TRPM8: variants seen among roughly 807,000 people sequenced by gnomAD.
TRPM8 encodes the protein transient receptor potential cation channel subfamily M member 8.
TRPM8 carries 110 observed loss-of-function variants against 133.7 expected under a neutral mutation model. The observed-to-expected ratio is 0.82, with a 90% CI of 0.70 to 0.96. The LOEUF (loss-of-function observed/expected upper bound fraction) is 0.96, where lower values mean the gene tolerates loss of function less well. Ranked by LOEUF, TRPM8 falls within the 40% of genes least tolerant of loss-of-function variation. TRPM8 has a pLI of 0.00. For missense variants in TRPM8, 1,291 were observed against 1,379.5 expected (o/e 0.94, Z 1.02); for synonymous variants, 535 against 532.3 (o/e 1.01, Z -0.07).
intron 20 of TRPM8, 36 bp downstream of exon 20, chr2:233,983,260 AGG>A (rs766900781): frequency 6.2e-7 from 1 of 1,613,350 alleles, no homozygotes; most frequent in Non-Finnish European, 8.5e-7. Flanking sequence ...AACAGCTTGG[AGG>A]AGGCATTTGC....
At chr2:233,976,598 G>T (rs1691879583) in intron 17 of TRPM8, among the ~76,000 whole-genome samples, 3 of 152,104 alleles carry the variant, frequency 2.0e-5, no homozygotes, top group South Asian at 2.1e-4. Context: ...TTCATTGTGG[G>T]TGATGCTGGC....
At chr2:234,005,348 C>G (rs567319053) in intron 22 of TRPM8, among the ~76,000 whole-genome samples, 1 of 152,170 alleles carries the variant, frequency 6.6e-6, no homozygotes, top group Non-Finnish European at 1.5e-5. Context: ...ATCAGCATTT[C>G]TTTGACTGTT....
At chr2:233,959,942 T>A (rs1173130359) in intron 11 of TRPM8, among the ~76,000 whole-genome samples, 1 of 144,422 alleles carries the variant, frequency 6.9e-6, no homozygotes. Context: ...CCACCACACC[T>A]AATTTTTTTT....
At chr2:233,971,185 T>A (rs966662035) in intron 17 of TRPM8, among the ~76,000 whole-genome samples, 6 of 152,208 alleles carry the variant, frequency 3.9e-5, no homozygotes, top group African/African-American at 1.4e-4. Context: ...ATTCAGCAAG[T>A]GTGTGCTAGG....
At chr2:233,927,858 T>TTCTC (rs374196113) in intron 2 of TRPM8, among the ~76,000 whole-genome samples, 6 of 44,158 alleles carry the variant, frequency 1.4e-4, no homozygotes, top group Non-Finnish European at 2.3e-4. Flanking sequence ...CTTCCTTTCT[T>TTCTC]TCTCTTTCTT....
chr2:233,921,033 A>AT (rs1158074023), intron 1 of TRPM8, among the ~76,000 whole-genome samples: 4 of 151,362 alleles, frequency 2.6e-5, no homozygotes, highest in Non-Finnish European at 5.9e-5. Context: ...ATTTTTTGGT[A>AT]TTTTTTTAAT....
chr2:233,982,030 C>A, intron 19 of TRPM8, 115 bp downstream of exon 19: 1 of 1,173,608 alleles, frequency 8.5e-7, no homozygotes. Flanking sequence ...CCATCAGTAA[C>A]ATTCGCTTTC....
intron 22 of TRPM8, among the ~76,000 whole-genome samples, chr2:234,000,608 A>T (rs1692533624): frequency 1.3e-5 from 2 of 152,224 alleles, no homozygotes; most frequent in Admixed American, 1.3e-4. Flanking sequence ...ACAAGAGGAA[A>T]GCATAGAAAT....
chr2:233,950,106 C>G lies in TRPM8; in HGVS notation c.1100C>G (p.Ser367Cys). 6.2e-7 allele frequency: 1 copy of G among 1,613,484 alleles called. No homozygotes were observed. The highest frequency in any genetic ancestry group is 8.5e-7 in the Non-Finnish European group (1 of 1,180,024). ...GTGCGCTTTTTACCCCGCACGGTGT[C>G]CCGGCTGCCTGAGGAGGAGACTGAG... ...KLVRFLPRTV[S>C]RLPEEETESW... The change falls in exon 9 of 26, where the codon TCC becomes TGC. Residue 367 changes from serine to cysteine, a missense_variant. This residue lies in a region of TRPM8 where 963 missense variants were observed against 968.9 expected (regional missense o/e 0.99). Coordinates refer to ENST00000324695, the MANE Select transcript of TRPM8 (RefSeq NM_024080.5).
In TRPM8 at chr2:233,964,735, T is replaced by C. The variant is rs769220087; in HGVS notation, c.1857T>C (p.Asn619=). Reference sequence around the variant, plus strand: ...CTGGGGAGTCCGAGGAGCTGGCTAATGAGTACGAGACCCGGGCTGTTGGTG... The same window carrying C: ...CTGGGGAGTCCGAGGAGCTGGCTAACGAGTACGAGACCCGGGCTGTTGGTG... ...NAAGESEELA[N]EYETRAVELF... The change falls in exon 14 of 26, where the codon AAT becomes AAC. Residue 619 remains asparagine, a synonymous_variant. Transcript: ENST00000324695. 3.7e-6 allele frequency: 6 copies of C among 1,612,940 alleles called. No homozygotes were observed. The Admixed American group carries it at 8.3e-5, about 22-fold the overall frequency.
chr2:233,996,604 A>G, intron 22 of TRPM8, 88 bp downstream of exon 22: 1 of 1,218,192 alleles, frequency 8.2e-7, no homozygotes, highest in Non-Finnish European at 1.2e-6. Flanking sequence ...ACAGGAAGGA[A>G]TTATTCACAG....
chr2:233,983,311 C>T (rs759759745), intron 20 of TRPM8, 87 bp downstream of exon 20: 1 of 1,487,716 alleles, frequency 6.7e-7, no homozygotes, highest in South Asian at 1.1e-5. Flanking sequence ...GGAGACCGCA[C>T]TTCAGAAGCA....
chr2:233,964,635 G>T lies in TRPM8; in HGVS notation c.1757G>T (p.Gly586Val), dbSNP rs1431184499. 2 of 1,603,348 alleles carry T rather than the reference G, an allele frequency of 1.2e-6. No individual in the cohort carries two copies. The highest frequency in any genetic ancestry group is 8.5e-7 in the Non-Finnish European group (1 of 1,172,814). The change falls in exon 14 of 26, where the codon GGC becomes GTC. Residue 586 changes from glycine (G) to valine (V), a missense_variant. Coordinates refer to ENST00000324695, the MANE Select transcript of TRPM8 (RefSeq NM_024080.5). The part of the protein sequence containing the change: ...LSKVIWEQTR[G>V]CTLAALGASK... ...CTTCACCCCCCTAAAAAGACCAGGG[G>T]CTGCACTCTGGCAGCCCTGGGAGCC...
chr2:234,008,172 A>G, intron 24 of TRPM8, 69 bp downstream of exon 24: 1 of 1,445,276 alleles, frequency 6.9e-7, no homozygotes, highest in Non-Finnish European at 9.4e-7. Context: ...TTTCAGCTAG[A>G]GGCCAGTAGT....
chr2:233,978,668 C>T (rs1691930615), intron 17 of TRPM8, among the ~76,000 whole-genome samples: 1 of 152,024 alleles, frequency 6.6e-6, no homozygotes, highest in African/African-American at 2.4e-5. Flanking sequence ...AATGATGGAC[C>T]ACATCTTTTT....
intron 24 of TRPM8, among the ~76,000 whole-genome samples, chr2:234,012,476 AGT>A (rs931502296): frequency 3.6e-4 from 53 of 146,190 alleles, no homozygotes; most frequent in Non-Finnish European, 6.3e-4. Context: ...TGTGTGTGAG[AGT>A]GTGTGTGTGT....
chr2:233,960,699 A>T, intron 11 of TRPM8, 77 bp from the exon 12 acceptor site: 1 of 1,165,260 alleles, frequency 8.6e-7, no homozygotes, highest in Non-Finnish European at 1.2e-6. Context: ...AGTGCTACTG[A>T]GGAAGAAAAA....
At chr2:234,014,312 G>A (rs1358467234) in intron 24 of TRPM8, among the ~76,000 whole-genome samples, 1 of 152,016 alleles carries the variant, frequency 6.6e-6, no homozygotes, top group Non-Finnish European at 1.5e-5. Flanking sequence ...TAATGATTTG[G>A]ATCTGAGTAA....
At chr2:233,980,345 C>A in intron 18 of TRPM8, 66 bp downstream of exon 18, 2 of 1,091,250 alleles carry the variant, frequency 1.8e-6, no homozygotes, top group Non-Finnish European at 2.7e-6. Flanking sequence ...AAAAGCTCTG[C>A]AGACATTTCA....
Sources: allele counts gnomAD v4.1 joint callset (sites outside exome capture counted in the v4.1 genomes callset), GRCh38; gene constraint gnomAD v4.1.1; regional missense constraint gnomAD v4.1.1; transcripts MANE v1.5; gene names NCBI Gene and HGNC (gene_info 2026-07-23, HGNC 2026-07-21).